The following FLI1 variants were observed in gnomAD, a reference collection of about 807,000 sequenced individuals.
FLI1 encodes Friend leukemia integration 1 transcription factor.
Under a neutral mutation model 53.1 loss-of-function variants are expected in FLI1, and 13 were observed. That is an observed-to-expected ratio of 0.24 (90% CI 0.16 to 0.39). The LOEUF is 0.39. FLI1 is among the 10% of genes least tolerant of loss of function. The pLI, the probability that FLI1 is intolerant of heterozygous loss-of-function variation, is 1.00. For synonymous variants in FLI1, 244 were observed against 236.7 expected, an observed-to-expected ratio of 1.03 and a Z score of -0.28; for missense variants, 424 against 600.5, an observed-to-expected ratio of 0.71 and a Z score of 3.07.
At chr11:128,799,042 TA>T (rs369779440) in intron 5 of FLI1, among the ~76,000 whole-genome samples, 4,049 of 139,550 alleles carry the variant, frequency 0.029, 151 homozygotes, top group Middle Eastern at 0.058. Context: ...TTATTATTAT[TA>T]TTATTATTAT....
chr11:128,695,327 T>C (rs1724788161), intron 1 of FLI1, among the ~76,000 whole-genome samples: 2 of 152,168 alleles, frequency 1.3e-5, no homozygotes, highest in South Asian at 2.1e-4. Context: ...TGACGGGCCT[T>C]AGAGGACCTA....
At chr11:128,780,810 G>A (rs1682688174) in intron 4 of FLI1, among the ~76,000 whole-genome samples, 1 of 152,128 alleles carries the variant, frequency 6.6e-6, no homozygotes, top group Non-Finnish European at 1.5e-5. Flanking sequence ...CAGGGAGCGG[G>A]GAAAAGGGTT....
At chr11:128,729,683 T>A (rs2135751187) in intron 1 of FLI1, among the ~76,000 whole-genome samples, 1 of 152,264 alleles carries the variant, frequency 6.6e-6, no homozygotes, top group South Asian at 2.1e-4. Flanking sequence ...CACATACCTG[T>A]CACCCCTTTT....
intron 2 of FLI1, chr11:128,764,714 G>A (rs376985772): frequency 3.1e-5 from 48 of 1,556,780 alleles, no homozygotes; most frequent in East Asian, 4.7e-5. Flanking sequence ...CACCCTGAGC[G>A]GCAGCCGTGG....
At chr11:128,768,607 T>G (rs1941439488) in intron 3 of FLI1, 2 of 258,746 alleles carry the variant, frequency 7.7e-6, no homozygotes, top group South Asian at 1.0e-4. Context: ...GAGACTCGCT[T>G]TAACCGGGAA....
intron 1 of FLI1, among the ~76,000 whole-genome samples, chr11:128,752,768 G>A (rs1326526298): frequency 6.6e-6 from 1 of 152,190 alleles, no homozygotes; most frequent in Non-Finnish European, 1.5e-5. Context: ...CATGTAAACA[G>A]TGTTTTGTAT....
chr11:128,741,409 TA>T (rs1940133826), intron 1 of FLI1, among the ~76,000 whole-genome samples: 2 of 151,968 alleles, frequency 1.3e-5, no homozygotes, highest in African/African-American at 2.4e-5. Flanking sequence ...AATAAATAAA[TA>T]AATAAAATAA....
chr11:128,768,453 G>A (rs913374519), intron 3 of FLI1, 181 bp downstream of exon 3: 7 of 657,994 alleles, frequency 1.1e-5, no homozygotes, highest in East Asian at 2.8e-5. Context: ...AGGCCAAGAC[G>A]GGTGAATCAC....
chr11:128,810,268 A>G lies in FLI1; in HGVS notation c.830-191A>G, dbSNP rs1942903561. On this transcript the variant is annotated intron_variant, in intron 8 of 8. Transcript: ENST00000527786. This position sits in a 1 kb window ranked among gnomAD's most constrained non-coding sequence, Gnocchi z 6.6. ...CTTAGGATCTAACCTCGCTTATTAT[A>G]CCCATCTCCAAGGCAAGCAGAAAGG... Among the ~76,000 whole-genome samples the G allele has an allele frequency of 6.6e-6, 1 of 151,756 alleles. No individual in the cohort carries two copies. The highest frequency in any genetic ancestry group is 6.6e-5 in the Admixed American group (1 of 15,218).
intron 1 of FLI1, among the ~76,000 whole-genome samples, chr11:128,717,222 C>T (rs1354828535): frequency 1.3e-5 from 2 of 152,100 alleles, no homozygotes; most frequent in African/African-American, 2.4e-5. Context: ...GCATCACAAC[C>T]CAGAGCACCC....
At chr11:128,707,522 T>C (rs1938599166) in intron 1 of FLI1, among the ~76,000 whole-genome samples, 1 of 152,194 alleles carries the variant, frequency 6.6e-6, no homozygotes, top group African/African-American at 2.4e-5. Flanking sequence ...CCAGGGTGCC[T>C]TGGGGAAGGC....
chr11:128,718,881 G>T (rs1033868110), intron 1 of FLI1, among the ~76,000 whole-genome samples: 1 of 152,168 alleles, frequency 6.6e-6, no homozygotes, highest in African/African-American at 2.4e-5. Context: ...CAGAAGTGCA[G>T]ATGTGGATCC....
At chr11:128,787,914 C>T (rs1337646013) in intron 5 of FLI1, among the ~76,000 whole-genome samples, 1 of 149,750 alleles carries the variant, frequency 6.7e-6, no homozygotes, top group Non-Finnish European at 1.5e-5. Flanking sequence ...TCACGCCATT[C>T]TCCTGCCTCA....
At chr11:128,717,014 C>T (rs981920061) in intron 1 of FLI1, among the ~76,000 whole-genome samples, 2 of 152,118 alleles carry the variant, frequency 1.3e-5, no homozygotes, top group Non-Finnish European at 2.9e-5. Flanking sequence ...TGGCAGCCAG[C>T]AGGCAAAGTG....
At chr11:128,764,541 G>T in intron 2 of FLI1, 2 of 1,016,444 alleles carry the variant, frequency 2.0e-6, no homozygotes, top group Admixed American at 2.1e-5. Flanking sequence ...CCCCATGCTA[G>T]CTGTAAGTGC....
intron 1 of FLI1, among the ~76,000 whole-genome samples, chr11:128,744,832 T>C (rs1378604125): frequency 1.3e-5 from 2 of 152,036 alleles, no homozygotes. Context: ...ACATAAACTA[T>C]GAAAAACAAC....
chr11:128,715,235 T>C (rs1303788099), intron 1 of FLI1, among the ~76,000 whole-genome samples: 1 of 152,222 alleles, frequency 6.6e-6, no homozygotes, highest in Non-Finnish European at 1.5e-5. Flanking sequence ...ATTAAACATA[T>C]ACAATTAATT....
Position 128,812,515 on chromosome 11 carries a change from G to A in FLI1, c.*1527G>A, listed in dbSNP as rs940500901. The A allele has an allele frequency of 8.9e-6, 2 of 224,538 alleles. No homozygotes were observed. The highest frequency in any genetic ancestry group is 2.2e-5 in the African/African-American group (1 of 44,968). 13.9% of individuals were successfully genotyped at this position (224,538 alleles called of 1,614,324 possible). On this transcript the variant is annotated 3_prime_UTR_variant, in exon 9 of 9. Coordinates refer to ENST00000527786, the MANE Select transcript of FLI1 (RefSeq NM_002017.5). Reference sequence around the variant, plus strand: ...CTTCTTGCACTATCAAGAATTTTTCGAATGTACCTACTGCAGTACAGCAGA... The same window carrying A: ...CTTCTTGCACTATCAAGAATTTTTCAAATGTACCTACTGCAGTACAGCAGA...
At chr11:128,707,308 G>A (rs1463148468) in intron 1 of FLI1, among the ~76,000 whole-genome samples, 1 of 152,106 alleles carries the variant, frequency 6.6e-6, no homozygotes, top group Admixed American at 6.5e-5. Flanking sequence ...CCTGCCCTTC[G>A]ACTTCTCCAT....
Sources: allele counts gnomAD v4.1 joint callset (sites outside exome capture counted in the v4.1 genomes callset), GRCh38; gene constraint gnomAD v4.1.1; non-coding constraint Gnocchi (gnomAD v3.1); transcripts MANE v1.5; gene names NCBI Gene and HGNC (gene_info 2026-07-23, HGNC 2026-07-21).